The following LYPLAL1 variants were observed in gnomAD, a reference collection of about 807,000 sequenced individuals.
LYPLAL1 encodes lysophospholipase-like protein 1.
In LYPLAL1, 23 loss-of-function variants were observed where a neutral mutation model predicts 19.7. That is an observed-to-expected ratio of 1.17 (90% CI 0.84 to 1.65). The LOEUF (loss-of-function observed/expected upper bound fraction) is 1.65, where lower values mean the gene tolerates loss of function less well. Among genes scored for constraint, LYPLAL1 ranks in the 40% most tolerant of loss-of-function variants. The probability of loss-of-function intolerance (pLI) is 0.00; values close to 1 mark genes in which losing one functional copy is unlikely to be tolerated. For missense variants in LYPLAL1, 355 were observed against 279.4 expected (o/e 1.27, Z -1.93); for synonymous variants, 119 against 96.3 (o/e 1.24, Z -1.38).
the LYPLAL1 span, among the ~76,000 whole-genome samples, chr1:219,353,321 T>C: frequency 1.3e-5 from 2 of 152,232 alleles, no homozygotes; most frequent in Admixed American, 6.5e-5. Flanking sequence ...AGATTCTACA[T>C]AATGGTTCCT....
At chr1:219,194,106 T>A (rs1558232338) in intron 3 of LYPLAL1, among the ~76,000 whole-genome samples, 2 of 151,886 alleles carry the variant, frequency 1.3e-5, no homozygotes, top group Non-Finnish European at 2.9e-5. Flanking sequence ...ATGGATAAAA[T>A]CCATTCTATT....
the LYPLAL1 span, among the ~76,000 whole-genome samples, chr1:219,268,287 C>T: frequency 2.6e-5 from 4 of 152,038 alleles, no homozygotes; most frequent in Admixed American, 6.6e-5. Context: ...TTAAATAAGG[C>T]GGTCAAGATT....
the LYPLAL1 span, among the ~76,000 whole-genome samples, chr1:219,339,540 C>A: frequency 3.3e-5 from 5 of 151,996 alleles, no homozygotes; most frequent in Non-Finnish European, 7.4e-5. Flanking sequence ...ACTGTTGTTT[C>A]ACTCTGAGTC....
the LYPLAL1 span, among the ~76,000 whole-genome samples, chr1:219,324,574 A>C: frequency 1.3e-5 from 2 of 152,218 alleles, no homozygotes; most frequent in Non-Finnish European, 2.9e-5. Flanking sequence ...TCCTGGAGTT[A>C]CATAGCATGT....
chr1:219,274,281 G>T, the LYPLAL1 span, among the ~76,000 whole-genome samples: 1 of 152,184 alleles, frequency 6.6e-6, no homozygotes, highest in African/African-American at 2.4e-5. Flanking sequence ...AGCCCAACTA[G>T]TTCATCAGGG....
the LYPLAL1 span, among the ~76,000 whole-genome samples, chr1:219,338,910 CAAT>C: frequency 6.6e-6 from 1 of 151,576 alleles, no homozygotes; most frequent in Non-Finnish European, 1.5e-5. Context: ...TAAATATTTG[CAAT>C]AATCTTTGCA....
At chr1:219,316,825 A>T in the LYPLAL1 span, among the ~76,000 whole-genome samples, 1 of 152,208 alleles carries the variant, frequency 6.6e-6, no homozygotes, top group African/African-American at 2.4e-5. Flanking sequence ...TTCCACTTAT[A>T]TGAGGTACTC....
chr1:219,430,497 A>T, the LYPLAL1 span, among the ~76,000 whole-genome samples: 1 of 152,210 alleles, frequency 6.6e-6, no homozygotes, highest in South Asian at 2.1e-4. Flanking sequence ...TATGTTATGC[A>T]TAATTAGACA....
At chr1:219,265,467 A>G in the LYPLAL1 span, among the ~76,000 whole-genome samples, 1 of 152,306 alleles carries the variant, frequency 6.6e-6, no homozygotes, top group African/African-American at 2.4e-5. Flanking sequence ...ACGGCGCTTG[A>G]TTGTCAAATA....
At chr1:219,321,885 A>G in the LYPLAL1 span, among the ~76,000 whole-genome samples, 1 of 152,184 alleles carries the variant, frequency 6.6e-6, no homozygotes, top group Non-Finnish European at 1.5e-5. Flanking sequence ...ACCCTAGACC[A>G]AAGCAGCAGT....
chr1:219,184,704 T>TA (rs1656584438), intron 2 of LYPLAL1, among the ~76,000 whole-genome samples: 1 of 151,992 alleles, frequency 6.6e-6, no homozygotes, highest in Admixed American at 6.6e-5. Context: ...TCATGGTTTT[T>TA]ATCTTTCATT....
the LYPLAL1 span, among the ~76,000 whole-genome samples, chr1:219,314,676 C>A: frequency 6.6e-6 from 1 of 152,204 alleles, no homozygotes; most frequent in East Asian, 1.9e-4. Flanking sequence ...TCGTGATCCA[C>A]CCACCTCGGC....
At chr1:219,281,602 A>AAC in the LYPLAL1 span, among the ~76,000 whole-genome samples, 111 of 150,156 alleles carry the variant, frequency 7.4e-4, 2 homozygotes, top group South Asian at 0.017. Context: ...CACCCTCCCC[A>AAC]ACACACACAC....
chr1:219,369,874 A>G, the LYPLAL1 span, among the ~76,000 whole-genome samples: 1 of 152,198 alleles, frequency 6.6e-6, no homozygotes, highest in Non-Finnish European at 1.5e-5. Context: ...AGGGAAGTCT[A>G]TTGCTTTGGA....
At chr1:219,434,944 G>T in the LYPLAL1 span, among the ~76,000 whole-genome samples, 2 of 151,778 alleles carry the variant, frequency 1.3e-5, no homozygotes, top group Non-Finnish European at 2.9e-5. Context: ...AGCTTGTCTG[G>T]ACCCCATGTC....
intron 3 of LYPLAL1, among the ~76,000 whole-genome samples, chr1:219,206,957 A>G (rs1185367676): frequency 6.6e-6 from 1 of 151,742 alleles, no homozygotes; most frequent in African/African-American, 2.4e-5. Flanking sequence ...TACTAATTTT[A>G]TTTTTGCTTC....
At chr1:219,196,911 A>C in intron 3 of LYPLAL1, among the ~76,000 whole-genome samples, 1 of 152,114 alleles carries the variant, frequency 6.6e-6, no homozygotes. Flanking sequence ...TGCTACAAAG[A>C]GAATAAAATA....
the LYPLAL1 span, among the ~76,000 whole-genome samples, chr1:219,305,581 G>T: frequency 6.6e-6 from 1 of 152,170 alleles, no homozygotes; most frequent in African/African-American, 2.4e-5. Flanking sequence ...AACAGTGCAT[G>T]TCTTAAACTG....
chr1:219,283,518 T>A, the LYPLAL1 span, among the ~76,000 whole-genome samples: 2 of 152,192 alleles, frequency 1.3e-5, no homozygotes, highest in African/African-American at 2.4e-5. Context: ...TTTTTCCTCA[T>A]AAGCTGTTTC....
Sources: gnomAD v4.1 joint callset for allele counts (sites outside exome capture counted in the v4.1 genomes callset) on GRCh38, gnomAD v4.1.1 for gene constraint, MANE v1.5 for transcripts, NCBI Gene and HGNC (gene_info 2026-07-23, HGNC 2026-07-21) for gene names.